Variants in XNDC1N observed in about 807,000 individuals in gnomAD.
XNDC1N encodes the protein protein XNDC1N.
the XNDC1N span, among the ~76,000 whole-genome samples, chr11:71,889,650 C>T: frequency 3.3e-4 from 50 of 152,314 alleles, no homozygotes; most frequent in Non-Finnish European, 5.9e-4. Context: ...ATTTCTACAT[C>T]TCGCCTTTGT....
At chr11:71,883,980 T>G in the XNDC1N span, among the ~76,000 whole-genome samples, 2 of 152,220 alleles carry the variant, frequency 1.3e-5, no homozygotes, top group Non-Finnish European at 2.9e-5. Context: ...TGGTTTTATC[T>G]TTATCCATAA....
chr11:71,903,395 C>T, the XNDC1N span: 9 of 1,428,750 alleles, frequency 6.3e-6, no homozygotes, highest in African/African-American at 8.5e-5. Context: ...CTGTCCTTGC[C>T]TGACATCGGT....
chr11:71,884,119 C>A, the XNDC1N span, among the ~76,000 whole-genome samples: 19 of 152,270 alleles, frequency 1.2e-4, no homozygotes, highest in African/African-American at 3.6e-4. Flanking sequence ...AATCTCTACA[C>A]CACCCCCAAG....
chr11:71,911,792 G>T, the XNDC1N span, among the ~76,000 whole-genome samples: 1 of 152,200 alleles, frequency 6.6e-6, no homozygotes, highest in African/African-American at 2.4e-5. Flanking sequence ...CATTGCAGGG[G>T]ACACCAGCGA....
At chr11:71,912,342 A>C in the XNDC1N span, among the ~76,000 whole-genome samples, 1 of 151,974 alleles carries the variant, frequency 6.6e-6, no homozygotes, top group Admixed American at 6.6e-5. Flanking sequence ...TTCCTCCCCA[A>C]ACGTGGATGT....
the XNDC1N span, chr11:71,903,605 C>T: frequency 2.5e-5 from 15 of 599,828 alleles, no homozygotes; most frequent in East Asian, 1.5e-4. Context: ...ATCTTGAACC[C>T]GTGTTTCTGT....
the XNDC1N span, among the ~76,000 whole-genome samples, chr11:71,901,458 C>G: frequency 0.032 from 4,923 of 151,960 alleles, 324 homozygotes; most frequent in African/African-American, 0.11. Flanking sequence ...AATGAGCCAG[C>G]CGTAGTGGCG....
At chr11:71,909,357 T>A in the XNDC1N span, among the ~76,000 whole-genome samples, 3,652 of 143,312 alleles carry the variant, frequency 0.025, 121 homozygotes, top group African/African-American at 0.049. Flanking sequence ...AGGGAGGCCC[T>A]GGGAAAGAAA....
the XNDC1N span, chr11:71,928,309 A>G: frequency 4.9e-6 from 3 of 606,920 alleles, no homozygotes; most frequent in Non-Finnish European, 8.8e-6. Context: ...CTTGATGGCC[A>G]CCCTCCTCCC....
At chr11:71,873,909 AGT>A in the XNDC1N span, among the ~76,000 whole-genome samples, 2 of 152,238 alleles carry the variant, frequency 1.3e-5, no homozygotes, top group Non-Finnish European at 2.9e-5. Context: ...CATAAATTAG[AGT>A]ATGCAAAGCT....
At chr11:71,885,599 TATC>T in the XNDC1N span, among the ~76,000 whole-genome samples, 2 of 152,256 alleles carry the variant, frequency 1.3e-5, no homozygotes, top group Middle Eastern at 6.8e-3. Flanking sequence ...TTGAACGTAA[TATC>T]ATGCTCTCTC....
the XNDC1N span, among the ~76,000 whole-genome samples, chr11:71,890,797 C>A: frequency 6.6e-6 from 1 of 151,962 alleles, no homozygotes; most frequent in South Asian, 2.1e-4. Flanking sequence ...CATCCTCTTC[C>A]CCCCTGGATA....
the XNDC1N span, among the ~76,000 whole-genome samples, chr11:71,919,701 T>C: frequency 1.4e-5 from 2 of 147,122 alleles, no homozygotes; most frequent in Non-Finnish European, 3.0e-5. Flanking sequence ...CACTGCAAGC[T>C]CCGCCTCCCG....
At chr11:71,903,151 A>G in the XNDC1N span, 1 of 672,998 alleles carries the variant, frequency 1.5e-6, no homozygotes, top group Non-Finnish European at 2.7e-6. Flanking sequence ...CGATTTTTCA[A>G]CCCTCTTTTC....
the XNDC1N span, among the ~76,000 whole-genome samples, chr11:71,873,626 A>T: frequency 6.6e-6 from 1 of 152,242 alleles, no homozygotes; most frequent in African/African-American, 2.4e-5. Context: ...CAATGGTAAT[A>T]GTAAAAACAG....
At chr11:71,888,746 G>A in the XNDC1N span, among the ~76,000 whole-genome samples, 7 of 152,204 alleles carry the variant, frequency 4.6e-5, no homozygotes, top group African/African-American at 1.7e-4. Flanking sequence ...CCGTGCTGTC[G>A]TGACTTTAAT....
chr11:71,867,337 G>A, the XNDC1N span, among the ~76,000 whole-genome samples: 28,626 of 152,184 alleles, frequency 0.19, 4,918 homozygotes, highest in African/African-American at 0.45. Flanking sequence ...AAATGTCTTT[G>A]TGGGAACATC....
the XNDC1N span, chr11:71,919,162 C>G: frequency 1.6e-6 from 1 of 616,878 alleles, no homozygotes; most frequent in Non-Finnish European, 2.9e-6. Flanking sequence ...AGATGGGAGG[C>G]CATAGGAATA....
At chr11:71,916,078 T>C in the XNDC1N span, 11 of 702,756 alleles carry the variant, frequency 1.6e-5, no homozygotes, top group Non-Finnish European at 2.3e-5. Context: ...ACATACCTTG[T>C]TCAGCACAGA....
Sources: gnomAD v4.1 joint callset for allele counts (sites outside exome capture counted in the v4.1 genomes callset) on GRCh38, gnomAD v4.1.1 for gene constraint, MANE v1.5 for transcripts, NCBI Gene and HGNC (gene_info 2026-07-23, HGNC 2026-07-21) for gene names.